WASF1: variants seen among roughly 807,000 people sequenced by gnomAD.
WASF1 encodes the protein actin-binding protein WASF1.
WASF1 carries 7 observed loss-of-function variants against 50.5 expected under a neutral mutation model. That is an observed-to-expected ratio of 0.14 (90% CI 0.08 to 0.26). The LOEUF (loss-of-function observed/expected upper bound fraction) is 0.26. Among genes scored for constraint, WASF1 ranks in the 10% least tolerant of loss-of-function variants. WASF1 has a pLI of 1.00. For missense variants in WASF1, 470 were observed against 694.7 expected (o/e 0.68, Z 3.64); for synonymous variants, 205 against 244.0 (o/e 0.84, Z 1.49).
chr6:110,139,859 A>G (rs78686449), intron 3 of WASF1, among the ~76,000 whole-genome samples: 2 of 150,240 alleles, frequency 1.3e-5, no homozygotes, highest in African/African-American at 5.0e-5. Context: ...GGATAACCCA[A>G]TAACTAATAA....
chr6:110,108,599 C>A lies in WASF1; in HGVS notation c.351G>T (p.Leu117Phe), dbSNP rs759172509. Reference protein sequence around the residue: ...QDQQLFDRKTLPIPLQETYDV... With the variant: ...QDQQLFDRKTFPIPLQETYDV... ...CGTACGTCTCCTGTAATGGAATAGG[C>A]AAAGTCTTGCGATCGAAAAGCTGCT... is the stretch of plus-strand genomic sequence containing the variant. The change falls in exon 6 of 11, where the codon TTG becomes TTT. Residue 117 changes from leucine (L) to phenylalanine (F), a missense_variant. Physicochemically the swap from Leu to Phe is conservative, Grantham distance 22 (BLOSUM62 0). Transcript: ENST00000392589. The A allele has an allele frequency of 2.5e-6, 4 of 1,614,056 alleles. No individual in the cohort carries two copies. The highest frequency in any genetic ancestry group is 3.4e-6 in the Non-Finnish European group (4 of 1,179,946).
intron 7 of WASF1, 62 bp from the exon 8 acceptor site, chr6:110,105,641 A>G: frequency 1.3e-6 from 2 of 1,502,582 alleles, no homozygotes; most frequent in Non-Finnish European, 1.8e-6. Context: ...AAAGGAGGTT[A>G]TAACAATCAA....
intron 4 of WASF1, among the ~76,000 whole-genome samples, chr6:110,119,561 C>CA (rs940203700): frequency 6.6e-6 from 1 of 152,034 alleles, no homozygotes; most frequent in African/African-American, 2.4e-5. Flanking sequence ...GCCTACCAAC[C>CA]AAAAAAAGCC....
At chr6:110,117,106 G>A (rs559886313) in intron 4 of WASF1, among the ~76,000 whole-genome samples, 1 of 152,046 alleles carries the variant, frequency 6.6e-6, no homozygotes, top group South Asian at 2.1e-4. Flanking sequence ...GCCTCTTCTC[G>A]TCCAAAGGAT....
intron 9 of WASF1, 107 bp from the exon 10 acceptor site, chr6:110,102,323 T>G: frequency 1.7e-6 from 2 of 1,143,184 alleles, no homozygotes; most frequent in Non-Finnish European, 2.3e-6. Context: ...TCAAAATGGA[T>G]CCAATAACAT....
intron 4 of WASF1, among the ~76,000 whole-genome samples, chr6:110,121,297 G>A (rs999314394): frequency 3.3e-5 from 5 of 151,982 alleles, no homozygotes; most frequent in African/African-American, 9.7e-5. Context: ...TCTGACAAAG[G>A]CTTAATATCC....
intron 5 of WASF1, among the ~76,000 whole-genome samples, chr6:110,108,918 A>G (rs1424299832): frequency 6.6e-6 from 1 of 152,222 alleles, no homozygotes; most frequent in Non-Finnish European, 1.5e-5. Context: ...TTGAAGGCTC[A>G]GAGGGCCCTA....
intron 4 of WASF1, among the ~76,000 whole-genome samples, chr6:110,121,194 A>C (rs985771359): frequency 1.3e-5 from 2 of 152,234 alleles, no homozygotes; most frequent in African/African-American, 4.8e-5. Context: ...ATGGGATCTA[A>C]ATAAACTAAA....
At chr6:110,152,156 T>TCA (rs1330157102) in intron 3 of WASF1, among the ~76,000 whole-genome samples, 1 of 152,054 alleles carries the variant, frequency 6.6e-6, no homozygotes, top group Non-Finnish European at 1.5e-5. Context: ...CTTAACCTAA[T>TCA]CACATGAGCC....
Position 110,175,724 on chromosome 6 carries a change from T to C in WASF1, c.-127+2874A>G, listed in dbSNP as rs114949301. On this transcript the variant is annotated intron_variant, in intron 2 of 10. Coordinates refer to ENST00000392589, the MANE Select transcript of WASF1 (RefSeq NM_003931.3). ...TCTTGTCCCAGATAATGTAAGCCTA[T>C]GCCACTCACTGAACTGAGAAACAGC... is the stretch of plus-strand genomic sequence containing the variant. Among the ~76,000 whole-genome samples the C allele has an allele frequency of 3.1e-3, 472 of 152,224 alleles. 2 individuals are homozygous for C. The highest frequency in any genetic ancestry group is 0.011 in the African/African-American group (451 of 41,532).
chr6:110,123,596 C>T (rs575568987), intron 4 of WASF1, among the ~76,000 whole-genome samples: 1 of 152,218 alleles, frequency 6.6e-6, no homozygotes, highest in African/African-American at 2.4e-5. Context: ...CTAAAAGAAG[C>T]AAGAAAAGAG....
At chr6:110,107,297 C>T (rs1773365601) in intron 6 of WASF1, 103 bp from the exon 7 acceptor site, 1 of 738,544 alleles carries the variant, frequency 1.4e-6, no homozygotes, top group Non-Finnish European at 2.1e-6. Context: ...TAATAAAATA[C>T]AGCATGTTAA....
intron 3 of WASF1, among the ~76,000 whole-genome samples, chr6:110,139,059 G>A (rs545390547): frequency 6.6e-6 from 1 of 152,190 alleles, no homozygotes; most frequent in Non-Finnish European, 1.5e-5. Context: ...CATGCTCATA[G>A]GCACCCAAAG....
chr6:110,177,937 T>C (rs1375256814), intron 2 of WASF1, among the ~76,000 whole-genome samples: 1 of 148,802 alleles, frequency 6.7e-6, no homozygotes, highest in Non-Finnish European at 1.5e-5. Context: ...AGTGGTTTCT[T>C]ATATTTGCAA....
intron 7 of WASF1, among the ~76,000 whole-genome samples, chr6:110,106,506 CTG>C (rs1014978893): frequency 6.6e-6 from 1 of 152,188 alleles, no homozygotes; most frequent in Non-Finnish European, 1.5e-5. Flanking sequence ...CTTCATCCTT[CTG>C]TGTTTTCAGT....
intron 3 of WASF1, among the ~76,000 whole-genome samples, chr6:110,159,447 GAA>G (rs1024321318): frequency 9.9e-5 from 15 of 151,888 alleles, no homozygotes; most frequent in South Asian, 2.1e-4. Context: ...TCACTGAAGT[GAA>G]GTGACATTAC....
In WASF1 at chr6:110,101,824, G is replaced by A. The variant is rs1252490661; in HGVS notation, c.1286C>T (p.Pro429Leu). Reference sequence around the variant, plus strand: ...AATGCCAGGTGGAGGCAGAGGAGGCGGTGGTGGGGGTGGAGGCAGCCCCTG... The same window carrying A: ...AATGCCAGGTGGAGGCAGAGGAGGCAGTGGTGGGGGTGGAGGCAGCCCCTG... ...EVQGLPPPPP[P>L]PPLPPPGIRP... The change falls in exon 10 of 11, where the codon CCG (proline) becomes CTG (leucine). Residue 429 changes from proline (P) to leucine (L), a missense_variant. Pro to Leu is a moderately conservative substitution (Grantham distance 98). Around this residue, in one of 3 missense-constraint regions of WASF1, gnomAD observed 294 missense variants for 343.5 expected, o/e 0.86. Transcript: ENST00000392589. The A allele has an allele frequency of 1.8e-5, 29 of 1,613,954 alleles. No homozygotes were observed. Among genetic ancestry groups the A allele is most frequent in the Middle Eastern group, 3.3e-4 (2 of 6,084 alleles).
rs1429856835 is a variant in WASF1, at chr6:110,103,375, T to A, written c.893+3A>T. 1.2e-6 allele frequency: 2 copies of A among 1,610,558 alleles called. No homozygotes were observed. Among genetic ancestry groups the A allele is most frequent in the Non-Finnish European group, 1.7e-6 (2 of 1,178,092 alleles). ...AAAACATCATATGCTTGTTCCAACATACCTGATACAGGTGGGTATCGGTTT... is the reference window on the plus strand; with the variant it reads ...AAAACATCATATGCTTGTTCCAACAAACCTGATACAGGTGGGTATCGGTTT... On this transcript the variant is annotated splice_donor_region_variant and intron_variant, in intron 9 of 10. Transcript: ENST00000392589.
chr6:110,101,877 T>G lies in WASF1; in HGVS notation c.1233A>C (p.Pro411=), dbSNP rs1773106915. Residue 411 remains proline, a synonymous_variant, in exon 10 of 11, where the codon CCA becomes CCC. Coordinates refer to ENST00000392589, the MANE Select transcript of WASF1 (RefSeq NM_003931.3). ...ARAAPVCETV[P]VHPLPQGEVQ... The stretch of plus-strand genomic sequence containing the variant: ...CTTCACCTTGTGGGAGTGGATGAAC[T>G]GGTACAGTCTCACATACTGGGGCAG... 6.2e-7 allele frequency: 1 copy of G among 1,613,810 alleles called. No individual in the cohort carries two copies. Among genetic ancestry groups the G allele is most frequent in the South Asian group, 1.1e-5 (1 of 91,044 alleles).
Sources: gnomAD v4.1 joint callset for allele counts (sites outside exome capture counted in the v4.1 genomes callset) on GRCh38, gnomAD v4.1.1 for gene constraint, gnomAD v4.1.1 regional missense constraint, MANE v1.5 for transcripts, NCBI Gene and HGNC (gene_info 2026-07-23, HGNC 2026-07-21) for gene names.